Variants in NELL2 observed in about 807,000 individuals in gnomAD.
NELL2 encodes the protein neural EGFL like 2.
NELL2 carries 41 observed loss-of-function variants against 109.6 expected under a neutral mutation model. The observed-to-expected ratio is 0.37, with a 90% CI of 0.29 to 0.49. The LOEUF is 0.49. Ranked by LOEUF, NELL2 falls within the 20% of genes least tolerant of loss-of-function variation. NELL2 has a pLI of 0.98. For synonymous variants in NELL2, 355 were observed against 344.7 expected (o/e 1.03, Z -0.33); for missense variants, 900 against 1,008.3 (o/e 0.89, Z 1.45).
intron 12 of NELL2, among the ~76,000 whole-genome samples, chr12:44,689,410 T>C (rs1359200712): frequency 1.3e-5 from 2 of 152,250 alleles, no homozygotes; most frequent in African/African-American, 4.8e-5. Context: ...TTTTGTTCTT[T>C]AGCCCATAGG....
intron 1 of NELL2, 54 bp from the exon 2 acceptor site, chr12:44,875,407 CA>C: frequency 6.2e-7 from 1 of 1,613,948 alleles, no homozygotes; most frequent in Non-Finnish European, 8.5e-7. Flanking sequence ...CATCAAAATG[CA>C]AGTCTCTTCC....
At chr12:44,837,080 A>G (rs773456631) in intron 2 of NELL2, among the ~76,000 whole-genome samples, 1 of 152,196 alleles carries the variant, frequency 6.6e-6, no homozygotes, top group African/African-American at 2.4e-5. Context: ...GCACATAGTG[A>G]GCATTTTATC....
At chr12:44,687,596 T>C (rs1329263786) in intron 12 of NELL2, among the ~76,000 whole-genome samples, 2 of 152,158 alleles carry the variant, frequency 1.3e-5, no homozygotes, top group Non-Finnish European at 2.9e-5. Context: ...AGCTAATGGA[T>C]AGAGGAAGAG....
chr12:44,510,255 C>T (rs906010820), intron 19 of NELL2, among the ~76,000 whole-genome samples: 3 of 152,122 alleles, frequency 2.0e-5, no homozygotes, highest in Non-Finnish European at 2.9e-5. Context: ...AATACATTAT[C>T]TAATTTCAAC....
At chr12:44,547,649 C>G (rs1328306684) in intron 15 of NELL2, among the ~76,000 whole-genome samples, 1 of 151,872 alleles carries the variant, frequency 6.6e-6, no homozygotes, top group Non-Finnish European at 1.5e-5. Flanking sequence ...TGAATAAAAC[C>G]AGAATGAATT....
intron 2 of NELL2, among the ~76,000 whole-genome samples, chr12:44,847,710 A>AT (rs766363087): frequency 3.0e-4 from 46 of 151,468 alleles, no homozygotes; most frequent in Middle Eastern, 3.4e-3. Flanking sequence ...AAGAGAAGAG[A>AT]TTTTTTTTTC....
intron 9 of NELL2, among the ~76,000 whole-genome samples, chr12:44,746,464 C>G (rs1281856432): frequency 6.6e-6 from 1 of 152,008 alleles, no homozygotes; most frequent in Non-Finnish European, 1.5e-5. Context: ...TAATTCAACT[C>G]AAGAGCTTCT....
intron 15 of NELL2, among the ~76,000 whole-genome samples, chr12:44,587,284 A>AAAAAAAAAAAAAAAT: frequency 1.4e-5 from 1 of 72,206 alleles, no homozygotes; most frequent in African/African-American, 5.1e-5. Flanking sequence ...AAAAAAAAAA[A>AAAAAAAAAAAAAAAT]ATATATATAT....
intron 15 of NELL2, among the ~76,000 whole-genome samples, chr12:44,571,722 G>C (rs1392844814): frequency 1.3e-5 from 2 of 152,226 alleles, no homozygotes; most frequent in Admixed American, 6.5e-5. Flanking sequence ...TGCAATATGA[G>C]AAGTTGTTAC....
At chr12:44,680,533 T>C (rs953353236) in intron 12 of NELL2, among the ~76,000 whole-genome samples, 1 of 152,168 alleles carries the variant, frequency 6.6e-6, no homozygotes, top group Non-Finnish European at 1.5e-5. Flanking sequence ...AAGTCAAATG[T>C]ATTATTAAAA....
chr12:44,897,935 G>C (rs538486419), intron 1 of NELL2, among the ~76,000 whole-genome samples: 1 of 152,288 alleles, frequency 6.6e-6, no homozygotes, highest in East Asian at 1.9e-4. Flanking sequence ...GTGTGGGGAG[G>C]GGCATCCGCC....
At chr12:44,665,983 G>T (rs1947911647) in intron 12 of NELL2, among the ~76,000 whole-genome samples, 1 of 152,126 alleles carries the variant, frequency 6.6e-6, no homozygotes, top group South Asian at 2.1e-4. Flanking sequence ...TGATTCACCA[G>T]CTATTCTGTA....
At chr12:44,802,113 T>C (rs745860329) in intron 3 of NELL2, among the ~76,000 whole-genome samples, 3 of 152,106 alleles carry the variant, frequency 2.0e-5, no homozygotes, top group Non-Finnish European at 4.4e-5. Flanking sequence ...TTGAATCCAC[T>C]TAGAAATGGA....
At chr12:44,512,946 G>A (rs990622026) in intron 19 of NELL2, among the ~76,000 whole-genome samples, 2 of 151,946 alleles carry the variant, frequency 1.3e-5, no homozygotes, top group Non-Finnish European at 2.9e-5. Context: ...TATATGTTCA[G>A]AAATCTAGAA....
intron 3 of NELL2, among the ~76,000 whole-genome samples, chr12:44,797,346 T>C (rs1048332482): frequency 5.3e-5 from 8 of 152,098 alleles, no homozygotes; most frequent in East Asian, 3.9e-4. Flanking sequence ...TGTTGTAAGG[T>C]TGGGGACCCA....
In NELL2 at chr12:44,557,488, C is replaced by T. The variant is rs369908827; in HGVS notation, c.1664-24767G>A. Among the ~76,000 whole-genome samples the T allele has an allele frequency of 5.3e-5, 8 of 152,150 alleles. No individual in the cohort carries two copies. In the South Asian group the frequency reaches 1.7e-3, roughly 32 times the overall value. On this transcript the variant is annotated intron_variant, in intron 15 of 19. Transcript: ENST00000429094. ...GAGGACAAATAAAGATAATGATGATCATTGCCAAGAGGATCAATGCAGAGG... is the reference window on the plus strand; with the variant it reads ...GAGGACAAATAAAGATAATGATGATTATTGCCAAGAGGATCAATGCAGAGG...
upstream of NELL2, among the ~76,000 whole-genome samples, chr12:44,916,269 T>C (rs1175798677): frequency 6.6e-6 from 1 of 152,094 alleles, no homozygotes; most frequent in East Asian, 1.9e-4. Flanking sequence ...AGGAAAGAGA[T>C]AACTGAAGTC....
intron 9 of NELL2, among the ~76,000 whole-genome samples, chr12:44,717,864 A>G (rs1393428300): frequency 6.6e-6 from 1 of 152,176 alleles, no homozygotes; most frequent in Non-Finnish European, 1.5e-5. Flanking sequence ...CTAGCTGGCA[A>G]GGAGACCAGA....
At chr12:44,766,087 GAAA>G (rs572286226) in intron 9 of NELL2, among the ~76,000 whole-genome samples, 2 of 112,760 alleles carry the variant, frequency 1.8e-5, no homozygotes. Context: ...CTCCGTATCA[GAAA>G]AAAAAAAAAA....
Sources: allele counts gnomAD v4.1 joint callset (sites outside exome capture counted in the v4.1 genomes callset), GRCh38; gene constraint gnomAD v4.1.1; transcripts MANE v1.5; gene names NCBI Gene and HGNC (gene_info 2026-07-23, HGNC 2026-07-21).